Variants in RANBP2 observed in about 807,000 individuals in gnomAD.
RANBP2 encodes the protein E3 SUMO-protein ligase RanBP2.
RANBP2 carries 57 observed loss-of-function variants against 303.6 expected under a neutral mutation model. The ratio of observed to expected loss-of-function variants is 0.19; its 90% confidence interval spans 0.15 to 0.23. The LOEUF (loss-of-function observed/expected upper bound fraction) is 0.23, where lower values mean the gene tolerates loss of function less well. RANBP2 is among the 10% of genes least tolerant of loss of function. RANBP2 has a pLI of 1.00. For missense variants in RANBP2, 3,138 were observed against 3,780.8 expected (o/e 0.83, Z 4.46); for synonymous variants, 1,167 against 1,301.5 (o/e 0.90, Z 2.23).
the RANBP2 span, among the ~76,000 whole-genome samples, chr2:109,704,106 A>G: frequency 1.5e-3 from 230 of 152,280 alleles, 1 homozygote; most frequent in African/African-American, 5.4e-3. Flanking sequence ...TGAAACTATC[A>G]GGTCAGTCAG....
the RANBP2 span, among the ~76,000 whole-genome samples, chr2:109,107,736 C>T: frequency 6.6e-6 from 1 of 152,082 alleles, no homozygotes; most frequent in Non-Finnish European, 1.5e-5. Flanking sequence ...TAACCTGCAG[C>T]AACTTTTTTT....
At chr2:109,020,014 C>T in the RANBP2 span, among the ~76,000 whole-genome samples, 3 of 152,154 alleles carry the variant, frequency 2.0e-5, no homozygotes, top group Admixed American at 6.5e-5. Flanking sequence ...GGTGAAGTTT[C>T]GGGGCAGTGT....
chr2:108,843,438 A>C, the RANBP2 span, among the ~76,000 whole-genome samples: 6 of 152,216 alleles, frequency 3.9e-5, no homozygotes, highest in Non-Finnish European at 8.8e-5. Context: ...GATTACAGGC[A>C]TAAGCCACCG....
At position 108,765,359 on chromosome 2, in the gene RANBP2, A is replaced by C. The variant is rs751888621; in HGVS notation, c.4820A>C (p.Glu1607Ala). 1.0e-5 allele frequency: 16 copies of C among 1,559,336 alleles called. No individual in the cohort carries two copies. The highest frequency in any genetic ancestry group is 1.4e-5 in the Non-Finnish European group (16 of 1,131,066). The change falls in exon 20 of 29, where the codon GAG (glutamate) becomes GCG (alanine). Residue 1607 changes from glutamate to alanine, a missense_variant. Physicochemically the swap from Glu to Ala is moderately radical, Grantham distance 107. Around this residue, in one of 20 missense-constraint regions of RANBP2, gnomAD observed 28 missense variants for 43.2 expected, o/e 0.65. Transcript: ENST00000283195. ...SGFEGMFTKK[E>A]GQWDCSVCLV... ...TTTGAGGGAATGTTCACTAAGAAGG[A>C]GGGACAGTGGGATTGCAGTGTGTGC...
chr2:108,739,690 G>C (rs1248021157), intron 6 of RANBP2, among the ~76,000 whole-genome samples: 2 of 152,086 alleles, frequency 1.3e-5, no homozygotes, highest in Admixed American at 1.3e-4. Flanking sequence ...TTAGAATATA[G>C]ATTACAAATA....
At chr2:109,437,369 T>A in the RANBP2 span, among the ~76,000 whole-genome samples, 1 of 151,038 alleles carries the variant, frequency 6.6e-6, no homozygotes, top group African/African-American at 2.4e-5. Context: ...GGTAAGCACA[T>A]CTTGTCATGC....
the RANBP2 span, among the ~76,000 whole-genome samples, chr2:109,084,791 C>T: frequency 6.5e-3 from 989 of 152,238 alleles, 15 homozygotes; most frequent in African/African-American, 0.02. Context: ...ACACTGTGGA[C>T]GCCACTCATA....
At chr2:109,348,692 C>G in the RANBP2 span, among the ~76,000 whole-genome samples, 1 of 152,194 alleles carries the variant, frequency 6.6e-6, no homozygotes, top group Non-Finnish European at 1.5e-5. Flanking sequence ...AACCAAAGCT[C>G]TGAGAGGCTT....
At chr2:109,616,203 G>C in the RANBP2 span, 3 of 1,317,932 alleles carry the variant, frequency 2.3e-6, no homozygotes, top group Non-Finnish European at 2.9e-6. Flanking sequence ...ATGGGGCGGA[G>C]TTCTCTTCAG....
chr2:109,547,733 C>T, the RANBP2 span, among the ~76,000 whole-genome samples: 1 of 152,296 alleles, frequency 6.6e-6, no homozygotes, highest in East Asian at 1.9e-4. Flanking sequence ...AAAAAGGAAG[C>T]TTTAAAACAA....
chr2:108,928,892 T>C, the RANBP2 span, among the ~76,000 whole-genome samples: 22 of 152,262 alleles, frequency 1.4e-4, no homozygotes, highest in Non-Finnish European at 2.9e-4. Context: ...CCAAAGTGTT[T>C]CACATGCGCT....
At chr2:109,384,456 G>A in the RANBP2 span, among the ~76,000 whole-genome samples, 20 of 152,110 alleles carry the variant, frequency 1.3e-4, no homozygotes, top group South Asian at 4.2e-3. Context: ...TGAGCTGGCC[G>A]AGGGACTCTA....
chr2:109,794,584 G>GGGCGGC, the RANBP2 span: 57 of 854,892 alleles, frequency 6.7e-5, 1 homozygote, highest in Middle Eastern at 1.3e-3. Flanking sequence ...CCCGGCCGGG[G>GGGCGGC]GGCGGCGGCG....
chr2:109,280,676 C>T, the RANBP2 span, among the ~76,000 whole-genome samples: 1 of 152,214 alleles, frequency 6.6e-6, no homozygotes, highest in Non-Finnish European at 1.5e-5. Context: ...GTAATGTAAA[C>T]AACCTTTCTG....
At chr2:109,063,343 T>C in the RANBP2 span, among the ~76,000 whole-genome samples, 1 of 152,220 alleles carries the variant, frequency 6.6e-6, no homozygotes, top group South Asian at 2.1e-4. Flanking sequence ...GCCCTGTGCC[T>C]GGGTTTTCTT....
the RANBP2 span, among the ~76,000 whole-genome samples, chr2:109,170,219 TTTCTC>T: frequency 1.6e-3 from 234 of 148,228 alleles, 5 homozygotes; most frequent in Middle Eastern, 0.014. Context: ...CTCTCTCTTT[TTTCTC>T]TTCTCTTCTC....
chr2:109,192,407 C>T, the RANBP2 span, among the ~76,000 whole-genome samples: 1 of 152,186 alleles, frequency 6.6e-6, no homozygotes, highest in African/African-American at 2.4e-5. Context: ...ATATGTTACT[C>T]ATAGAAGACA....
chr2:108,874,155 A>T, the RANBP2 span, among the ~76,000 whole-genome samples: 18 of 152,206 alleles, frequency 1.2e-4, no homozygotes, highest in African/African-American at 4.3e-4. Context: ...GTAATACCAC[A>T]GGTGAAAATA....
chr2:109,621,348 T>C, the RANBP2 span, among the ~76,000 whole-genome samples: 1 of 152,062 alleles, frequency 6.6e-6, no homozygotes, highest in Admixed American at 6.6e-5. Context: ...AGACGGGGTT[T>C]CACCATGTTG....
Sources: gnomAD v4.1 joint callset for allele counts (sites outside exome capture counted in the v4.1 genomes callset) on GRCh38, gnomAD v4.1.1 for gene constraint, gnomAD v4.1.1 regional missense constraint, MANE v1.5 for transcripts, NCBI Gene and HGNC (gene_info 2026-07-23, HGNC 2026-07-21) for gene names.